Variants in MACROD2 observed in about 807,000 individuals in gnomAD.
MACROD2 encodes ADP-ribose glycohydrolase MACROD2.
In MACROD2, 36 loss-of-function variants were observed where a neutral mutation model predicts 70.4. The observed-to-expected ratio is 0.51, with a 90% CI of 0.39 to 0.68. The LOEUF (loss-of-function observed/expected upper bound fraction) is 0.68. Among genes scored for constraint, MACROD2 ranks in the 30% least tolerant of loss-of-function variants. The probability of loss-of-function intolerance (pLI) is 0.00; values close to 1 mark genes in which losing one functional copy is unlikely to be tolerated. For synonymous variants in MACROD2, 172 were observed against 178.8 expected (o/e 0.96, Z 0.30); for missense variants, 496 against 538.4 (o/e 0.92, Z 0.78).
At chr20:14,439,306 A>G (rs1394177060) in intron 3 of MACROD2, among the ~76,000 whole-genome samples, 2 of 152,034 alleles carry the variant, frequency 1.3e-5, no homozygotes, top group Admixed American at 6.6e-5. Context: ...TAGCTTTGTA[A>G]TATAATTTTA....
intron 3 of MACROD2, among the ~76,000 whole-genome samples, chr20:14,152,053 C>T (rs1003764024): frequency 2.0e-4 from 31 of 151,548 alleles, no homozygotes; most frequent in Non-Finnish European, 7.4e-5. Flanking sequence ...GATCTCCTGA[C>T]CTCATGATCT....
intron 5 of MACROD2, among the ~76,000 whole-genome samples, chr20:15,087,109 T>A (rs570755676): frequency 6.6e-6 from 1 of 152,242 alleles, no homozygotes; most frequent in East Asian, 1.9e-4. Flanking sequence ...CTCTCTTATT[T>A]ATCTTTCTAT....
intron 9 of MACROD2, among the ~76,000 whole-genome samples, chr20:15,875,182 G>C (rs973997955): frequency 6.6e-6 from 1 of 152,146 alleles, no homozygotes; most frequent in Non-Finnish European, 1.5e-5. Context: ...CCAATGTACA[G>C]AATTGTAAGA....
At chr20:14,348,947 G>A (rs771487908) in intron 3 of MACROD2, among the ~76,000 whole-genome samples, 3 of 151,866 alleles carry the variant, frequency 2.0e-5, no homozygotes, top group Non-Finnish European at 4.4e-5. Context: ...ACATGCCTAT[G>A]GTTCCAGCTA....
intron 8 of MACROD2, among the ~76,000 whole-genome samples, chr20:15,808,187 G>A (rs1050178168): frequency 5.3e-5 from 8 of 152,096 alleles, no homozygotes; most frequent in Non-Finnish European, 8.8e-5. Context: ...CGATGCTCCC[G>A]GCCGAATAAA....
intron 6 of MACROD2, among the ~76,000 whole-genome samples, chr20:15,361,903 A>G (rs1447131353): frequency 6.6e-6 from 1 of 152,078 alleles, no homozygotes; most frequent in Non-Finnish European, 1.5e-5. Context: ...TTACTCTTGT[A>G]TCTTGTGACT....
rs2084704136 is a variant in MACROD2, at chr20:14,484,860, C to T, written c.272-8619C>T. ...CATCTGTTGATGGATGCTTAGGTTG[C>T]TTCCAAATCTTGGCTATTGTGAATA... On this transcript the variant is annotated intron_variant, in intron 3 of 17. Transcript: ENST00000684519. Among the ~76,000 whole-genome samples, 4 of 152,166 alleles carry T rather than the reference C, an allele frequency of 2.6e-5. No homozygotes were observed. In the South Asian group the frequency reaches 8.3e-4, roughly 32 times the overall value.
In MACROD2 at chr20:15,700,431, A is replaced by G. The variant is rs557927447; in HGVS notation, c.646-162314A>G. 2.6e-5 allele frequency among the ~76,000 whole-genome samples: 4 copies of G among 151,814 alleles called. No homozygotes were observed. In the South Asian group the frequency reaches 8.4e-4, roughly 32 times the overall value. ...GAATCCCTGCTCTGCCGCTGCCCCA[A>G]CTCGGCTCCGAAGTGCCTTTGCTGC... On this transcript the variant is annotated intron_variant, in intron 8 of 17. Coordinates refer to ENST00000684519, the MANE Select transcript of MACROD2 (RefSeq NM_001351661.2).
At chr20:15,937,943 G>A (rs897184123) in intron 12 of MACROD2, among the ~76,000 whole-genome samples, 1 of 151,836 alleles carries the variant, frequency 6.6e-6, no homozygotes, top group African/African-American at 2.4e-5. Context: ...CAACCAGGGA[G>A]CACCATTTTT....
At chr20:14,779,186 G>A (rs778228048) in intron 5 of MACROD2, among the ~76,000 whole-genome samples, 109 of 152,174 alleles carry the variant, frequency 7.2e-4, no homozygotes, top group Non-Finnish European at 9.1e-4. Flanking sequence ...TGTACATACA[G>A]CAATTTGCTG....
At chr20:14,418,244 T>C (rs911247230) in intron 3 of MACROD2, among the ~76,000 whole-genome samples, 1 of 152,184 alleles carries the variant, frequency 6.6e-6, no homozygotes, top group African/African-American at 2.4e-5. Flanking sequence ...ATTGTTTCCA[T>C]AATAAGCAAA....
At position 15,869,238 on chromosome 20, in the gene MACROD2, T is replaced by TAGAGAGAGAG. The variant is rs1555788820; in HGVS notation, c.727+6433_727+6442dup. On this transcript the variant is annotated intron_variant, in intron 9 of 17. Coordinates refer to ENST00000684519, the MANE Select transcript of MACROD2 (RefSeq NM_001351661.2). ...ATATATATATATATATATATATATA[T>TAGAGAGAGAG]AGAGAGAGAGAGAGAGAGAGAGAGA... Among the ~76,000 whole-genome samples, 238 of 28,270 alleles carry TAGAGAGAGAG rather than the reference T, an allele frequency of 8.4e-3. 13 individuals are homozygous for TAGAGAGAGAG. Among genetic ancestry groups the TAGAGAGAGAG allele is most frequent in the African/African-American group, 0.016 (165 of 10,086 alleles). The allele number at this position is 28,270 out of a possible 152,430, so 18.5% of individuals were successfully genotyped here.
rs34967948 is a variant in MACROD2 at position 15,818,371 on chromosome 20, G to T, written c.646-44374G>T. Among the ~76,000 whole-genome samples, 6 of 152,008 alleles carry T rather than the reference G, an allele frequency of 3.9e-5. No homozygotes were observed. The East Asian group carries it at 1.2e-3, about 29-fold the overall frequency. On this transcript the variant is annotated intron_variant, in intron 8 of 17. Coordinates refer to ENST00000684519, the MANE Select transcript of MACROD2 (RefSeq NM_001351661.2). The stretch of plus-strand genomic sequence containing the variant: ...GGGTGGGCAATTCCCAGAACCGAGG[G>T]TTCCTCCCCCTTTTAGACCATCTAG...
intron 3 of MACROD2, among the ~76,000 whole-genome samples, chr20:14,442,745 A>G (rs1441393149): frequency 6.6e-6 from 1 of 151,962 alleles, no homozygotes; most frequent in Non-Finnish European, 1.5e-5. Context: ...GAAGCTGAAT[A>G]CCTACCTCCC....
At chr20:14,824,868 T>C (rs558740693) in intron 5 of MACROD2, among the ~76,000 whole-genome samples, 24 of 152,228 alleles carry the variant, frequency 1.6e-4, no homozygotes, top group Admixed American at 4.6e-4. Flanking sequence ...ATTGAGGTAC[T>C]ACCATGTGCC....
chr20:15,664,541 G>A (rs2049870634), intron 8 of MACROD2, among the ~76,000 whole-genome samples: 1 of 152,132 alleles, frequency 6.6e-6, no homozygotes, highest in Non-Finnish European at 1.5e-5. Context: ...CATGTCTGGG[G>A]CTGGCTGGGG....
At chr20:15,433,459 C>CAAAA (rs60298297) in intron 7 of MACROD2, among the ~76,000 whole-genome samples, 4,715 of 87,982 alleles carry the variant, frequency 0.054, 571 homozygotes, top group African/African-American at 0.19. Flanking sequence ...ACAAGAGCTG[C>CAAAA]AAAAAAAAAA....
chr20:14,153,014 TAAAA>T (rs1335496939), intron 3 of MACROD2, among the ~76,000 whole-genome samples: 1 of 152,196 alleles, frequency 6.6e-6, no homozygotes, highest in Non-Finnish European at 1.5e-5. Context: ...TAGTTATAGA[TAAAA>T]AATAAATTAA....
intron 2 of MACROD2, among the ~76,000 whole-genome samples, chr20:14,008,945 C>A (rs1276409294): frequency 6.6e-6 from 1 of 152,180 alleles, no homozygotes; most frequent in African/African-American, 2.4e-5. Context: ...TGGACCCCTT[C>A]CTTACACCTT....
Sources: allele counts gnomAD v4.1 joint callset (sites outside exome capture counted in the v4.1 genomes callset), GRCh38; gene constraint gnomAD v4.1.1; transcripts MANE v1.5; gene names NCBI Gene and HGNC (gene_info 2026-07-23, HGNC 2026-07-21).